Variants in FHOD3 observed in about 807,000 individuals in gnomAD.
The protein encoded by FHOD3 is formin homology 2 domain containing 3.
A neutral mutation model predicts 173.0 loss-of-function variants in FHOD3; 90 were observed. That is an observed-to-expected ratio of 0.52 (90% CI 0.44 to 0.62). The LOEUF (loss-of-function observed/expected upper bound fraction) is 0.62, where lower values mean the gene tolerates loss of function less well. Among genes scored for constraint, FHOD3 ranks in the 20% least tolerant of loss-of-function variants. FHOD3 has a pLI of 0.00. For missense variants in FHOD3, 1,945 were observed against 2,034.7 expected (o/e 0.96, Z 0.85); for synonymous variants, 828 against 823.0 (o/e 1.01, Z -0.10).
chr18:36,490,655 G>A (rs1438616043), intron 3 of FHOD3, among the ~76,000 whole-genome samples: 2 of 152,194 alleles, frequency 1.3e-5, no homozygotes, highest in Non-Finnish European at 2.9e-5. Flanking sequence ...TTCAGCTCCT[G>A]CAATACTGGG....
chr18:36,559,207 A>C (rs1408032094), intron 5 of FHOD3, among the ~76,000 whole-genome samples: 1 of 152,190 alleles, frequency 6.6e-6, no homozygotes, highest in Non-Finnish European at 1.5e-5. Context: ...TGAAAAGCCC[A>C]AAAGATTTCA....
At chr18:36,746,098 C>G (rs2042145171) in intron 23 of FHOD3, among the ~76,000 whole-genome samples, 1 of 151,954 alleles carries the variant, frequency 6.6e-6, no homozygotes, top group East Asian at 1.9e-4. Flanking sequence ...AATTTTTAGT[C>G]TGGAAATTCT....
At chr18:36,583,881 A>T (rs1315671452) in intron 6 of FHOD3, among the ~76,000 whole-genome samples, 1 of 152,104 alleles carries the variant, frequency 6.6e-6, no homozygotes, top group East Asian at 1.9e-4. Flanking sequence ...GCTGGAGTAT[A>T]GTGACACAGT....
At chr18:36,640,274 T>TA (rs1271669465) in intron 10 of FHOD3, among the ~76,000 whole-genome samples, 2 of 152,220 alleles carry the variant, frequency 1.3e-5, no homozygotes, top group Non-Finnish European at 2.9e-5. Context: ...TCTTGGCTGG[T>TA]AAAATCTTTT....
intron 1 of FHOD3, among the ~76,000 whole-genome samples, chr18:36,328,993 T>C (rs766941148): frequency 2.0e-5 from 3 of 152,198 alleles, no homozygotes; most frequent in Non-Finnish European, 4.4e-5. Context: ...AAGGCATAGA[T>C]GGTCTTGGTC....
chr18:36,320,272 A>G (rs894675210), intron 1 of FHOD3, among the ~76,000 whole-genome samples: 1 of 152,232 alleles, frequency 6.6e-6, no homozygotes, highest in African/African-American at 2.4e-5. Context: ...GAAGAATCAA[A>G]TGGATGCAAT....
At chr18:36,558,070 A>C (rs2057958118) in intron 5 of FHOD3, among the ~76,000 whole-genome samples, 1 of 152,180 alleles carries the variant, frequency 6.6e-6, no homozygotes, top group African/African-American at 2.4e-5. Context: ...CCTTTTGGAA[A>C]GGTTCTTCCC....
intron 13 of FHOD3, among the ~76,000 whole-genome samples, chr18:36,654,624 C>G (rs989245531): frequency 6.6e-6 from 1 of 152,138 alleles, no homozygotes; most frequent in African/African-American, 2.4e-5. Flanking sequence ...TCATACGCAT[C>G]CCTGACAACA....
At chr18:36,485,873 C>T (rs1289461134) in intron 3 of FHOD3, among the ~76,000 whole-genome samples, 3 of 152,214 alleles carry the variant, frequency 2.0e-5, no homozygotes, top group Non-Finnish European at 2.9e-5. Context: ...CTGTCTCACT[C>T]TTTGGTGTCT....
intron 3 of FHOD3, among the ~76,000 whole-genome samples, chr18:36,493,213 CTTTTTT>C (rs60189688): frequency 2.2e-5 from 3 of 138,160 alleles, no homozygotes; most frequent in African/African-American, 8.0e-5. Flanking sequence ...TTTTCTTTTT[CTTTTTT>C]TTTTTTTTTT....
intron 10 of FHOD3, among the ~76,000 whole-genome samples, chr18:36,626,163 T>A (rs768357771): frequency 2.0e-5 from 3 of 152,192 alleles, no homozygotes; most frequent in Non-Finnish European, 2.9e-5. Context: ...TATCTCTGGG[T>A]TGGTTTAAGT....
intron 3 of FHOD3, among the ~76,000 whole-genome samples, chr18:36,460,887 C>G (rs2052508551): frequency 6.6e-6 from 1 of 152,278 alleles, no homozygotes; most frequent in East Asian, 1.9e-4. Context: ...TCCTGCTCCC[C>G]CTTCACCTGC....
At chr18:36,473,997 G>A (rs1037661608) in intron 3 of FHOD3, among the ~76,000 whole-genome samples, 1 of 152,200 alleles carries the variant, frequency 6.6e-6, no homozygotes, top group African/African-American at 2.4e-5. Flanking sequence ...CTTCCTGTAG[G>A]ATATGCTCAT....
intron 3 of FHOD3, among the ~76,000 whole-genome samples, chr18:36,414,415 G>A (rs1365212605): frequency 6.6e-6 from 1 of 152,194 alleles, no homozygotes; most frequent in Non-Finnish European, 1.5e-5. Flanking sequence ...TAAAGGACAC[G>A]TAAGGGTGGA....
At chr18:36,479,636 A>G (rs1194272666) in intron 3 of FHOD3, among the ~76,000 whole-genome samples, 1 of 152,194 alleles carries the variant, frequency 6.6e-6, no homozygotes, top group Non-Finnish European at 1.5e-5. Context: ...GTATTAATAT[A>G]TGATGAATAT....
intron 3 of FHOD3, among the ~76,000 whole-genome samples, chr18:36,394,101 A>G (rs941583385): frequency 1.3e-5 from 2 of 152,210 alleles, no homozygotes; most frequent in African/African-American, 4.8e-5. Context: ...TCAAGGAAGG[A>G]AAGAACACTG....
intron 2 of FHOD3, among the ~76,000 whole-genome samples, chr18:36,367,393 T>C (rs2046950911): frequency 6.6e-6 from 1 of 152,146 alleles, no homozygotes; most frequent in South Asian, 2.1e-4. Flanking sequence ...GATGTGTCCC[T>C]GGCAGTGGCT....
At chr18:36,655,731 A>G (rs1003567917) in intron 13 of FHOD3, among the ~76,000 whole-genome samples, 14 of 138,324 alleles carry the variant, frequency 1.0e-4, no homozygotes, top group African/African-American at 3.2e-4. Context: ...GTCATTAAAA[A>G]GAACCCTCAC....
At chr18:36,325,365 C>T (rs867926016) in intron 1 of FHOD3, among the ~76,000 whole-genome samples, 9 of 152,212 alleles carry the variant, frequency 5.9e-5, no homozygotes, top group Middle Eastern at 3.4e-3. Context: ...GTATAGAATA[C>T]CTTGGCTTTT....
Sources: allele counts gnomAD v4.1 joint callset (sites outside exome capture counted in the v4.1 genomes callset), GRCh38; gene constraint gnomAD v4.1.1; transcripts MANE v1.5; gene names NCBI Gene and HGNC (gene_info 2026-07-23, HGNC 2026-07-21).